PHACTR3: variants seen among roughly 807,000 people sequenced by gnomAD.
PHACTR3 encodes the protein phosphatase and actin regulator 3, also known as protein phosphatase 1, regulatory subunit 123.
Under a neutral mutation model 66.8 loss-of-function variants are expected in PHACTR3, and 16 were observed. That is an observed-to-expected ratio of 0.24 (90% CI 0.16 to 0.36). The LOEUF (loss-of-function observed/expected upper bound fraction) is 0.36, where lower values mean the gene tolerates loss of function less well. Among genes scored for constraint, PHACTR3 ranks in the 10% least tolerant of loss-of-function variants. PHACTR3 has a pLI of 1.00. For missense variants in PHACTR3, 647 were observed against 719.9 expected (o/e 0.90, Z 1.16); for synonymous variants, 323 against 292.1 (o/e 1.11, Z -1.08).
intron 1 of PHACTR3, among the ~76,000 whole-genome samples, chr20:59,674,583 C>A (rs58539236): frequency 4.0e-5 from 2 of 49,874 alleles, no homozygotes; most frequent in African/African-American, 3.1e-4. Flanking sequence ...TCCTGTTCCC[C>A]CCTTCTCCTG....
chr20:59,847,077 A>C, intron 12 of PHACTR3, 38 bp from the exon 13 acceptor site: 1 of 1,428,584 alleles, frequency 7.0e-7, no homozygotes. Context: ...GCTAGAAATG[A>C]ATAACCTTAA....
At chr20:59,586,210 C>T (rs925531041) in intron 1 of PHACTR3, among the ~76,000 whole-genome samples, 14 of 152,200 alleles carry the variant, frequency 9.2e-5, no homozygotes, top group Admixed American at 3.3e-4. Context: ...GCACATTGCA[C>T]ATTTGGACCT....
At chr20:59,656,931 C>A (rs2035637526) in intron 1 of PHACTR3, among the ~76,000 whole-genome samples, 1 of 151,838 alleles carries the variant, frequency 6.6e-6, no homozygotes, top group South Asian at 2.1e-4. Context: ...TTTTCTTCTA[C>A]CTCATTTTTG....
At chr20:59,819,012 G>C (rs1019606892) in intron 8 of PHACTR3, among the ~76,000 whole-genome samples, 2 of 152,162 alleles carry the variant, frequency 1.3e-5, no homozygotes, top group Non-Finnish European at 2.9e-5. Context: ...TCCCCTTGAC[G>C]TCTGGGGGCT....
chr20:59,591,266 C>T (rs1297970554), intron 1 of PHACTR3, among the ~76,000 whole-genome samples: 7 of 152,230 alleles, frequency 4.6e-5, no homozygotes, highest in Admixed American at 3.9e-4. Context: ...CTGCTCCTCC[C>T]TCCAGGCTGA....
rs73917308 is a variant in PHACTR3 at position 59,824,787 on chromosome 20, G to A, written c.1329-11718G>A. Among the ~76,000 whole-genome samples the A allele has an allele frequency of 4.3e-3, 659 of 152,280 alleles. 3 individuals are homozygous for A. The highest frequency in any genetic ancestry group is 0.015 in the African/African-American group (611 of 41,556). On this transcript the variant is annotated intron_variant, in intron 8 of 12. Transcript: ENST00000371015. ...TTGACAGCCCCACCAGTGGGGGGGC[G>A]GGGGGAGGGGCTCTGTCTACACTCC...
chr20:59,703,766 G>A (rs6027051), intron 1 of PHACTR3, among the ~76,000 whole-genome samples: 18 of 151,998 alleles, frequency 1.2e-4, no homozygotes, highest in African/African-American at 3.6e-4. Flanking sequence ...CTTGTCTGTC[G>A]TCCTCATTGC....
chr20:59,604,717 T>C lies in PHACTR3; in HGVS notation c.-298T>C, dbSNP rs1284147591. 51 of 1,058,130 alleles carry C rather than the reference T, an allele frequency of 4.8e-5. No individual in the cohort carries two copies. The highest frequency in any genetic ancestry group is 4.7e-5 in the Non-Finnish European group (41 of 879,066). The allele number at this position is 1,058,130 out of a possible 1,614,324, so 65.5% of individuals were successfully genotyped here. A position where few individuals can be genotyped will look rare whatever the true frequency, so the allele number is the denominator to read the frequency against. On this transcript the variant is annotated 5_prime_UTR_variant, in exon 1 of 13. Transcript: ENST00000371015. Reference sequence around the variant, plus strand: ...TATTTCCTGGTTCAACTTTTTTTTTTTTCCCTGGAATATAGACTGAAGAAT... The same window carrying C: ...TATTTCCTGGTTCAACTTTTTTTTTCTTCCCTGGAATATAGACTGAAGAAT...
intron 1 of PHACTR3, among the ~76,000 whole-genome samples, chr20:59,580,751 A>G (rs1232277238): frequency 2.0e-5 from 3 of 152,326 alleles, no homozygotes; most frequent in Admixed American, 6.5e-5. Flanking sequence ...CCTGGAGGCT[A>G]TAACTCTGAA....
At chr20:59,584,799 C>T (rs1027291340) in intron 1 of PHACTR3, among the ~76,000 whole-genome samples, 4 of 152,170 alleles carry the variant, frequency 2.6e-5, no homozygotes, top group African/African-American at 7.2e-5. Flanking sequence ...AGCGAGACCT[C>T]GTCTGTGAAG....
chr20:59,838,040 C>T (rs991482795), intron 9 of PHACTR3, among the ~76,000 whole-genome samples: 2 of 152,194 alleles, frequency 1.3e-5, no homozygotes, highest in Non-Finnish European at 2.9e-5. Flanking sequence ...AAACTGACTG[C>T]CCTTACCTTC....
At chr20:59,591,337 G>A (rs915594524) in intron 1 of PHACTR3, among the ~76,000 whole-genome samples, 2 of 152,086 alleles carry the variant, frequency 1.3e-5, no homozygotes, top group Admixed American at 6.5e-5. Flanking sequence ...AGTGGCTCCC[G>A]TCAGCATCCA....
At chr20:59,679,675 A>C (rs1207703168) in intron 1 of PHACTR3, among the ~76,000 whole-genome samples, 1 of 152,178 alleles carries the variant, frequency 6.6e-6, no homozygotes, top group Non-Finnish European at 1.5e-5. Flanking sequence ...ATGGACTCAC[A>C]TTAAGCCTCT....
At chr20:59,600,709 C>T (rs2033452729), upstream of PHACTR3, among the ~76,000 whole-genome samples, 1 of 152,208 alleles carries the variant, frequency 6.6e-6, no homozygotes, top group Non-Finnish European at 1.5e-5. Flanking sequence ...TCTGTCCCAT[C>T]TTTGTGGTTC....
intron 1 of PHACTR3, among the ~76,000 whole-genome samples, chr20:59,712,208 A>G (rs1229539559): frequency 6.6e-6 from 1 of 152,164 alleles, no homozygotes; most frequent in East Asian, 1.9e-4. Flanking sequence ...ACTGAAATCT[A>G]TCTTAGTGGG....
chr20:59,843,384 T>C (rs559540499), intron 11 of PHACTR3: 2 of 152,124 alleles, frequency 1.3e-5, no homozygotes, highest in Non-Finnish European at 2.9e-5. Context: ...AGAACCTGAA[T>C]AGCCAAAGTA....
intron 1 of PHACTR3, among the ~76,000 whole-genome samples, chr20:59,693,726 G>A (rs114954679): frequency 0.01 from 1,587 of 152,292 alleles, 28 homozygotes; most frequent in African/African-American, 0.035. Flanking sequence ...GCATGCATCC[G>A]TATTCAACTG....
chr20:59,593,463 C>A (rs561794658), intron 1 of PHACTR3, among the ~76,000 whole-genome samples: 46 of 151,968 alleles, frequency 3.0e-4, no homozygotes, highest in African/African-American at 8.2e-4. Context: ...TCTTTTCAAT[C>A]TCTTGACAGT....
chr20:59,731,411 A>G (rs559507685), intron 1 of PHACTR3, among the ~76,000 whole-genome samples: 1 of 152,322 alleles, frequency 6.6e-6, no homozygotes, highest in South Asian at 2.1e-4. Context: ...AAAAATCATC[A>G]CAATGATGAC....
Sources: gnomAD v4.1 joint callset for allele counts (sites outside exome capture counted in the v4.1 genomes callset) on GRCh38, gnomAD v4.1.1 for gene constraint, MANE v1.5 for transcripts, NCBI Gene and HGNC (gene_info 2026-07-23, HGNC 2026-07-21) for gene names.